The following WRN variants were observed in gnomAD, a reference collection of about 807,000 sequenced individuals.
WRN encodes bifunctional 3'-5' exonuclease/ATP-dependent helicase WRN.
In WRN, 149 loss-of-function variants were observed where a neutral mutation model predicts 180.7. The ratio of observed to expected loss-of-function variants is 0.82; its 90% confidence interval spans 0.72 to 0.94. WRN has a LOEUF of 0.94. Among genes scored for constraint, WRN ranks in the 40% least tolerant of loss-of-function variants. The pLI is 0.00. For missense variants in WRN, 1,661 were observed against 1,700.1 expected, an observed-to-expected ratio of 0.98 and a Z score of 0.40; for synonymous variants, 548 against 568.9, an observed-to-expected ratio of 0.96 and a Z score of 0.52.
At chr8:31,128,409 C>T (rs939539202) in intron 23 of WRN, among the ~76,000 whole-genome samples, 6 of 152,230 alleles carry the variant, frequency 3.9e-5, no homozygotes, top group African/African-American at 1.4e-4. Flanking sequence ...GTGTATATAA[C>T]ACACTGGGCT....
At chr8:31,169,736 T>C (rs1563394987) in intron 34 of WRN, among the ~76,000 whole-genome samples, 1 of 151,886 alleles carries the variant, frequency 6.6e-6, no homozygotes, top group Non-Finnish European at 1.5e-5. Context: ...TGAGATCTAC[T>C]CTGCCATTTT....
chr8:31,160,635 T>C (rs1803574549), intron 33 of WRN, among the ~76,000 whole-genome samples: 1 of 152,228 alleles, frequency 6.6e-6, no homozygotes, highest in African/African-American at 2.4e-5. Context: ...CTCTCAGGGC[T>C]TAAAGCAATT....
intron 23 of WRN, 88 bp from the exon 24 acceptor site, chr8:31,132,277 A>G: frequency 4.0e-6 from 6 of 1,489,218 alleles, no homozygotes; most frequent in Non-Finnish European, 5.4e-6. Context: ...GATATTTTTT[A>G]CTTGGCTAAT....
At chr8:31,058,198 C>T (rs1183118148) in intron 1 of WRN, among the ~76,000 whole-genome samples, 174 bp from the exon 2 acceptor site, 1 of 152,078 alleles carries the variant, frequency 6.6e-6, no homozygotes, top group Non-Finnish European at 1.5e-5. Flanking sequence ...ATTAAAATGA[C>T]TGATTTGTTT....
chr8:31,101,312 A>G (rs1237784012), intron 18 of WRN, among the ~76,000 whole-genome samples: 2 of 152,126 alleles, frequency 1.3e-5, no homozygotes, highest in African/African-American at 4.8e-5. Context: ...GCTGTGGGCC[A>G]TATTTGTCCG....
intron 7 of WRN, among the ~76,000 whole-genome samples, chr8:31,074,385 G>C (rs116174035): frequency 0.015 from 2,271 of 152,234 alleles, 61 homozygotes; most frequent in African/African-American, 0.051. Flanking sequence ...TCTGAAGACT[G>C]AATAATTAGC....
At chr8:31,165,724 G>T (rs953402338) in intron 33 of WRN, among the ~76,000 whole-genome samples, 6 of 151,940 alleles carry the variant, frequency 3.9e-5, no homozygotes, top group African/African-American at 1.5e-4. Flanking sequence ...GTGCCTAAGT[G>T]GTTCCAAACA....
chr8:31,054,867 A>G (rs1466233039), intron 1 of WRN, among the ~76,000 whole-genome samples: 2 of 152,130 alleles, frequency 1.3e-5, no homozygotes, highest in African/African-American at 2.4e-5. Context: ...CCCCGCATAC[A>G]TTAGCTGTTT....
chr8:31,130,428 A>G (rs1563369531), intron 23 of WRN, among the ~76,000 whole-genome samples: 1 of 152,132 alleles, frequency 6.6e-6, no homozygotes, highest in Non-Finnish European at 1.5e-5. Flanking sequence ...TCTATAGTAG[A>G]TTTTCTTTAA....
At chr8:31,172,845 C>T in intron 34 of WRN, 150 bp from the exon 35 acceptor site, 1 of 654,714 alleles carries the variant, frequency 1.5e-6, no homozygotes, top group Admixed American at 2.9e-5. Flanking sequence ...ACTTTTTGAT[C>T]CAGAAATAAA....
chr8:31,146,977 C>G, intron 28 of WRN, 76 bp from the exon 29 acceptor site: 2 of 1,239,934 alleles, frequency 1.6e-6, no homozygotes, highest in Non-Finnish European at 2.3e-6. Context: ...AAGACATTCT[C>G]ATTTAGGGGA....
intron 1 of WRN, among the ~76,000 whole-genome samples, chr8:31,052,385 A>G (rs996269250): frequency 6.6e-6 from 1 of 152,122 alleles, no homozygotes; most frequent in Non-Finnish European, 1.5e-5. Context: ...TATTTTATAC[A>G]ATTAGAGTCT....
chr8:31,150,559 C>T (rs1803084363), intron 31 of WRN, 104 bp downstream of exon 31: 1 of 895,182 alleles, frequency 1.1e-6, no homozygotes, highest in Non-Finnish European at 1.8e-6. Flanking sequence ...ATTTGCATTT[C>T]CATACTGGAC....
intron 23 of WRN, among the ~76,000 whole-genome samples, chr8:31,125,747 A>G (rs2130348829): frequency 6.7e-6 from 1 of 150,080 alleles, no homozygotes; most frequent in South Asian, 2.1e-4. Context: ...TCTCTAGCAA[A>G]CCTAGTTTTT....
chr8:31,114,621 C>A (rs1279975495), intron 19 of WRN, among the ~76,000 whole-genome samples: 2 of 152,084 alleles, frequency 1.3e-5, no homozygotes, highest in African/African-American at 4.8e-5. Flanking sequence ...CAGTTGTGAT[C>A]ACTGTTGGTA....
At chr8:31,125,243 A>G (rs1052237935) in intron 23 of WRN, among the ~76,000 whole-genome samples, 2 of 151,734 alleles carry the variant, frequency 1.3e-5, no homozygotes, top group African/African-American at 4.8e-5. Context: ...GATCTAAAAT[A>G]TTATTTAAAG....
intron 3 of WRN, among the ~76,000 whole-genome samples, chr8:31,060,398 A>G: frequency 6.6e-6 from 1 of 152,088 alleles, no homozygotes; most frequent in Non-Finnish European, 1.5e-5. Flanking sequence ...CATCTCTACA[A>G]AAAAATTTAA....
At chr8:31,099,395 G>GA (rs1168601664) in intron 17 of WRN, among the ~76,000 whole-genome samples, 1 of 151,126 alleles carries the variant, frequency 6.6e-6, no homozygotes, top group Non-Finnish European at 1.5e-5. Flanking sequence ...AGGAAGGAAG[G>GA]AAGGAAGGAA....
rs558054655 is a variant in WRN at position 31,111,711 on chromosome 8, G to A, written c.2185G>A (p.Gly729Ser). 4.3e-6 allele frequency: 7 copies of A among 1,614,056 alleles called. No homozygotes were observed. The African/African-American group carries it at 8.0e-5, about 18-fold the overall frequency. The change falls in exon 19 of 35, where the codon GGT (glycine) becomes AGT (serine). Residue 729 changes from glycine (G) to serine (S), a missense_variant. Physicochemically the swap from Gly to Ser is moderately conservative, Grantham distance 56. This residue lies in a region of WRN where 1,141 missense variants were observed against 1,149.4 expected (regional missense o/e 0.99). Transcript: ENST00000298139. ...GAGAAATCCTCAGATCACCTGTACT[G>A]GTTTTGATCGACCAAACCTGTATTT... ...NLRNPQITCT[G>S]FDRPNLYLEV...
Sources: allele counts gnomAD v4.1 joint callset (sites outside exome capture counted in the v4.1 genomes callset), GRCh38; gene constraint gnomAD v4.1.1; regional missense constraint gnomAD v4.1.1; transcripts MANE v1.5; gene names NCBI Gene and HGNC (gene_info 2026-07-23, HGNC 2026-07-21).